The following INF2 variants were observed in gnomAD, a reference collection of about 807,000 sequenced individuals.
The protein encoded by INF2 is inverted formin-2.
INF2 carries 43 observed loss-of-function variants against 123.5 expected under a neutral mutation model. That is an observed-to-expected ratio of 0.35 (90% CI 0.27 to 0.45). The LOEUF (loss-of-function observed/expected upper bound fraction) is 0.45. INF2 is among the 20% of genes least tolerant of loss of function. INF2 has a pLI of 1.00. For synonymous variants in INF2, 851 were observed against 745.0 expected (o/e 1.14, Z -2.32); for missense variants, 1,453 against 1,682.7 (o/e 0.86, Z 2.39).
intron 15 of INF2, 40 bp downstream of exon 15, chr14:104,711,226 GT>G (rs1890031785): frequency 6.7e-7 from 1 of 1,493,514 alleles, no homozygotes; most frequent in Admixed American, 2.0e-5. Context: ...AGGGCTTCAA[GT>G]CCCCCCGGAC....
At chr14:104,701,046 C>A (rs979268198) in intron 1 of INF2, among the ~76,000 whole-genome samples, 16 of 152,160 alleles carry the variant, frequency 1.1e-4, no homozygotes, top group Non-Finnish European at 1.3e-4. Context: ...CTGCAGGGGC[C>A]GTGCTGGCCT....
In INF2 at chr14:104,712,871, C is replaced by T. The variant is rs1890118404; in HGVS notation, c.2654C>T (p.Ala885Val). ...AFRALDELFE[A>V]IEQKQRELAD... ...CGGGCACTGGATGAGCTGTTTGAGG[C>T]CATCGAGCAGAAGCAACGGGAGCTG... is the stretch of plus-strand genomic sequence containing the variant. The change falls in exon 18 of 23, where the codon GCC becomes GTC. Residue 885 changes from alanine (A) to valine (V), a missense_variant. Ala to Val is a moderately conservative substitution (Grantham distance 64). Coordinates refer to ENST00000392634, the MANE Select transcript of INF2 (RefSeq NM_022489.4). 4 of 1,612,476 alleles carry T rather than the reference C, an allele frequency of 2.5e-6. No individual in the cohort carries two copies. Among genetic ancestry groups the T allele is most frequent in the Non-Finnish European group, 3.4e-6 (4 of 1,179,754 alleles).
chr14:104,707,915 TG>T lies in INF2; in HGVS notation c.1651del (p.Val551SerfsTer7). 2 of 1,602,642 alleles carry T rather than the reference TG, an allele frequency of 1.2e-6. No homozygotes were observed. ...AQVDHGLGSA[W>X]VPSHRRVNPP... ...GGTGGACCATGGCTTGGGCTCAGCA[TG>T]GGTCCCCAGCCATCGGCGGGTGAAC... On this transcript the variant is annotated frameshift_variant, in exon 8 of 23. Coordinates refer to ENST00000392634, the MANE Select transcript of INF2 (RefSeq NM_022489.4). LOFTEE classifies it high-confidence loss of function.
At chr14:104,686,907 A>AAGAGGC (rs1888677239), upstream of INF2, among the ~76,000 whole-genome samples, 1 of 152,212 alleles carries the variant, frequency 6.6e-6, no homozygotes, top group Non-Finnish European at 1.5e-5. Flanking sequence ...ATCTTCCAGC[A>AAGAGGC]AGAGGCAGAG....
At chr14:104,683,602 C>T (rs1285870909) in intron 1 of INF2, among the ~76,000 whole-genome samples, 1 of 124,280 alleles carries the variant, frequency 8.0e-6, no homozygotes, top group Non-Finnish European at 1.7e-5. Context: ...CTGAAACCCG[C>T]CCCCCTCCCC....
chr14:104,707,595 C>G lies in INF2; in HGVS notation c.1328C>G (p.Pro443Arg). ...SSAEPPPPPP[P>R]PPLPSVGAKA... Reference sequence around the variant, plus strand: ...GCCGAGCCCCCTCCCCCTCCCCCACCACCCCCCCTGCCCAGTGTGGGGGCT... The same window carrying G: ...GCCGAGCCCCCTCCCCCTCCCCCACGACCCCCCCTGCCCAGTGTGGGGGCT... Residue 443 changes from proline to arginine, a missense_variant, in exon 8 of 23, where the codon CCA becomes CGA. This residue lies in a region of INF2 where 374 missense variants were observed against 303.7 expected (regional missense o/e 1.23). Coordinates refer to ENST00000392634, the MANE Select transcript of INF2 (RefSeq NM_022489.4). 1 of 1,104,870 alleles carries G rather than the reference C, an allele frequency of 9.1e-7. No homozygotes were observed. The highest frequency in any genetic ancestry group is 1.2e-6 in the Non-Finnish European group (1 of 804,956). 68.4% of individuals were successfully genotyped at this position (1,104,870 alleles called of 1,614,324 possible).
chr14:104,714,887 C>T lies in INF2; in HGVS notation c.3694+31C>T, dbSNP rs1243475267. On this transcript the variant is annotated intron_variant, in intron 21 of 22. Coordinates refer to ENST00000392634, the MANE Select transcript of INF2 (RefSeq NM_022489.4). Reference sequence around the variant, plus strand: ...TCAGGGAGGGGCCCCGGGCACCGTCCCACGCCAGGGCGCTGGCACCCAGCC... The same window carrying T: ...TCAGGGAGGGGCCCCGGGCACCGTCTCACGCCAGGGCGCTGGCACCCAGCC... 1.1e-5 allele frequency: 17 copies of T among 1,500,082 alleles called. No individual in the cohort carries two copies. The Middle Eastern group carries it at 2.1e-3, about 181-fold the overall frequency. The allele number at this position is 1,500,082 out of a possible 1,614,324, so 92.9% of individuals were successfully genotyped here.
intron 5 of INF2, 150 bp downstream of exon 5, chr14:104,704,099 A>G: frequency 6.7e-7 from 1 of 1,494,974 alleles, no homozygotes; most frequent in South Asian, 1.3e-5. Flanking sequence ...GGGTCCAGCC[A>G]GAAGCCAGGT....
At chr14:104,682,139 G>A (rs976419872) in intron 1 of INF2, among the ~76,000 whole-genome samples, 34 of 152,288 alleles carry the variant, frequency 2.2e-4, no homozygotes, top group Non-Finnish European at 1.0e-4. Context: ...TTTGGGGTTT[G>A]GGGTTATTTT....
At chr14:104,718,397 G>A (rs1158237175) in intron 22 of INF2, among the ~76,000 whole-genome samples, 1 of 152,184 alleles carries the variant, frequency 6.6e-6, no homozygotes, top group African/African-American at 2.4e-5. Context: ...CGCTGCTGGG[G>A]TCCTCGTGTG....
At chr14:104,686,886 C>G, upstream of INF2, among the ~76,000 whole-genome samples, 1 of 152,340 alleles carries the variant, frequency 6.6e-6, no homozygotes, top group Middle Eastern at 3.4e-3. Context: ...GCCTGCTCTC[C>G]CCTCATCCCA....
rs1222488369 is a variant in INF2, at chr14:104,722,477, C to T, written c.*3684C>T. 1 of 152,248 alleles carries T rather than the reference C, an allele frequency of 6.6e-6. No individual in the cohort carries two copies. Among genetic ancestry groups the T allele is most frequent in the Non-Finnish European group, 1.5e-5 (1 of 68,080 alleles). 9.4% of individuals were successfully genotyped at this position (152,248 alleles called of 1,614,324 possible). The stretch of plus-strand genomic sequence containing the variant: ...CTTGTCTGATGGGACTTTGTGGTTC[C>T]TGGTGGACATTTAACATTGTCGGTT... On this transcript the variant is annotated 3_prime_UTR_variant, in exon 23 of 23. Transcript: ENST00000392634.
At chr14:104,715,907 G>A (rs566055043) in intron 22 of INF2, 748 of 456,368 alleles carry the variant, frequency 1.6e-3, no homozygotes, top group Non-Finnish European at 2.7e-3. Context: ...CCCCCCTCCT[G>A]TTGGACAGTG....
In INF2 at chr14:104,684,022, A is replaced by C. The variant is rs764313632; in HGVS notation, c.-104+2440A>C. 21 of 455,704 alleles carry C rather than the reference A, an allele frequency of 4.6e-5. No individual in the cohort carries two copies. Among genetic ancestry groups the C allele is most frequent in the Non-Finnish European group, 4.0e-5 (9 of 226,698 alleles). The allele number at this position is 455,704 out of a possible 1,614,324, so 28.2% of individuals were successfully genotyped here. A position where few individuals can be genotyped will look rare whatever the true frequency, so the allele number is the denominator to read the frequency against. On this transcript the variant is annotated intron_variant, in intron 1 of 2. Coordinates refer to the INF2 transcript ENST00000674723. The surrounding 1 kb of genome is among the most constrained non-coding windows in gnomAD (Gnocchi z 5.0). The stretch of plus-strand genomic sequence containing the variant: ...CTCCCTCCAGCTCCTCAAATTCCCA[A>C]CACCAGGGTTGCAAGGCCCAGTGTC...
chr14:104,681,601 C>T (rs1186138937), intron 1 of INF2: 4 of 1,288,634 alleles, frequency 3.1e-6, no homozygotes, highest in Non-Finnish European at 4.0e-6. Context: ...TCAGGAACGA[C>T]AAGGCCAAGC....
Position 104,704,375 on chromosome 14 carries a change from C to T in INF2, c.701+426C>T, listed in dbSNP as rs75515473. 2,079 of 264,804 alleles carry T rather than the reference C, an allele frequency of 7.9e-3. 31 individuals are homozygous for T. The highest frequency in any genetic ancestry group is 0.042 in the African/African-American group (1,927 of 45,812). The allele number at this position is 264,804 out of a possible 1,614,324, so 16.4% of individuals were successfully genotyped here. A position where few individuals can be genotyped will look rare whatever the true frequency, so the allele number is the denominator to read the frequency against. On this transcript the variant is annotated intron_variant, in intron 5 of 22. Coordinates refer to ENST00000392634, the MANE Select transcript of INF2 (RefSeq NM_022489.4). ...AAAACTACCTACAGGGTACAGTGTT[C>T]GTCGCTACTTGGTGTCAGGCCCACT...
chr14:104,709,688 CCTG>C lies in INF2; in HGVS notation c.2125_2127del (p.Leu709del). On this transcript the variant is annotated inframe_deletion, in exon 12 of 23. Coordinates refer to ENST00000392634, the MANE Select transcript of INF2 (RefSeq NM_022489.4). ...CCAGCGCCGACCACTTCTACCTCCT[CCTG>C]CTGGCCATTCCCTGGTGAGCATGGC... is the stretch of plus-strand genomic sequence containing the variant. 1 of 1,612,690 alleles carries C rather than the reference CCTG, an allele frequency of 6.2e-7. No individual in the cohort carries two copies. The highest frequency in any genetic ancestry group is 8.5e-7 in the Non-Finnish European group (1 of 1,179,790).
intron 1 of INF2, chr14:104,700,846 C>T (rs1889444831): frequency 1.0e-6 from 1 of 985,200 alleles, no homozygotes. Context: ...ACGCTGTGGG[C>T]ACCCCAGGCA....
chr14:104,721,329 GCGT>G lies in INF2; in HGVS notation c.*2541_*2543del, dbSNP rs1480715282. The G allele has an allele frequency of 1.4e-5, 2 of 140,588 alleles. No homozygotes were observed. The highest frequency in any genetic ancestry group is 2.3e-4 in the East Asian group (1 of 4,444). The allele number at this position is 140,588 out of a possible 1,614,324, so 8.7% of individuals were successfully genotyped here. ...CGTGTGGATGCTGCTGTGGACGTCTGCGTCGTCCTCGTGTGGATGCTGCTGTGG... is the reference window on the plus strand; with the variant it reads ...CGTGTGGATGCTGCTGTGGACGTCTGCGTCCTCGTGTGGATGCTGCTGTGG... On this transcript the variant is annotated 3_prime_UTR_variant, in exon 23 of 23. Transcript: ENST00000392634.
Sources: allele counts gnomAD v4.1 joint callset (sites outside exome capture counted in the v4.1 genomes callset), GRCh38; gene constraint gnomAD v4.1.1; regional missense constraint gnomAD v4.1.1; non-coding constraint Gnocchi (gnomAD v3.1); transcripts MANE v1.5; gene names NCBI Gene and HGNC (gene_info 2026-07-23, HGNC 2026-07-21).